Variants in SORCS1 observed in about 807,000 individuals in gnomAD.
SORCS1 encodes sortilin related VPS10 domain containing receptor 1.
SORCS1 carries 60 observed loss-of-function variants against 146.1 expected under a neutral mutation model. The observed-to-expected ratio is 0.41, with a 90% CI of 0.33 to 0.51. The LOEUF is 0.51. Among genes scored for constraint, SORCS1 ranks in the 20% least tolerant of loss-of-function variants. SORCS1 has a pLI of 0.21. For synonymous variants in SORCS1, 637 were observed against 584.0 expected, an observed-to-expected ratio of 1.09 and a Z score of -1.31; for missense variants, 1,352 against 1,487.6, an observed-to-expected ratio of 0.91 and a Z score of 1.50.
At chr10:107,032,785 C>G (rs1273395120) in intron 1 of SORCS1, among the ~76,000 whole-genome samples, 9 of 152,294 alleles carry the variant, frequency 5.9e-5, no homozygotes, top group South Asian at 2.1e-4. Flanking sequence ...TGAAACAACA[C>G]AATTAAGGCT....
chr10:106,994,114 A>G (rs1412486061), intron 1 of SORCS1, among the ~76,000 whole-genome samples: 6 of 151,902 alleles, frequency 3.9e-5, no homozygotes, highest in Admixed American at 3.9e-4. Context: ...CAAATTCATA[A>G]TTCATGGTCT....
chr10:107,118,495 T>A (rs1966187445), intron 1 of SORCS1, among the ~76,000 whole-genome samples: 1 of 152,222 alleles, frequency 6.6e-6, no homozygotes, highest in Non-Finnish European at 1.5e-5. Context: ...CCTTGGGCTT[T>A]ATTTTTTTCC....
chr10:106,893,389 T>A (rs2137928797), intron 2 of SORCS1, among the ~76,000 whole-genome samples: 1 of 152,338 alleles, frequency 6.6e-6, no homozygotes, highest in Admixed American at 6.5e-5. Flanking sequence ...TAACTATATT[T>A]ATTTTTTATT....
At chr10:107,166,609 T>G (rs1004157033), upstream of SORCS1, among the ~76,000 whole-genome samples, 1 of 152,226 alleles carries the variant, frequency 6.6e-6, no homozygotes, top group Non-Finnish European at 1.5e-5. Flanking sequence ...TCTCTCCTCC[T>G]CAAATTGCAA....
chr10:106,857,376 G>T (rs530120667), intron 2 of SORCS1, among the ~76,000 whole-genome samples: 12 of 152,336 alleles, frequency 7.9e-5, no homozygotes, highest in African/African-American at 2.9e-4. Context: ...TCAGGCTATA[G>T]AGGGAAGCTT....
At chr10:106,836,462 G>A (rs900202192) in intron 2 of SORCS1, among the ~76,000 whole-genome samples, 1 of 135,664 alleles carries the variant, frequency 7.4e-6, no homozygotes, top group Non-Finnish European at 1.6e-5. Context: ...GCGATAGAGC[G>A]AGACTCGGTC....
At chr10:106,582,724 C>G (rs1387742692) in intron 24 of SORCS1, among the ~76,000 whole-genome samples, 2 of 151,978 alleles carry the variant, frequency 1.3e-5, no homozygotes, top group African/African-American at 4.8e-5. Flanking sequence ...CAAAGTAAAA[C>G]ATGGATACCA....
At chr10:106,585,704 G>T (rs1389165913) in intron 24 of SORCS1, among the ~76,000 whole-genome samples, 5 of 152,176 alleles carry the variant, frequency 3.3e-5, no homozygotes, top group Non-Finnish European at 5.9e-5. Context: ...ATTATAATCT[G>T]CATCTGGCAA....
intron 2 of SORCS1, among the ~76,000 whole-genome samples, chr10:106,882,551 T>G (rs1432348466): frequency 6.6e-6 from 1 of 152,120 alleles, no homozygotes; most frequent in Admixed American, 6.5e-5. Flanking sequence ...TTATTTATAA[T>G]CAGGTGGTAG....
At chr10:106,650,271 T>C (rs1046211639) in intron 18 of SORCS1, among the ~76,000 whole-genome samples, 4 of 152,170 alleles carry the variant, frequency 2.6e-5, no homozygotes, top group Admixed American at 6.5e-5. Flanking sequence ...TGATTTCAGA[T>C]TGGATTTCTG....
chr10:107,083,567 A>G (rs1963511448), intron 1 of SORCS1, among the ~76,000 whole-genome samples: 1 of 152,226 alleles, frequency 6.6e-6, no homozygotes, highest in Non-Finnish European at 1.5e-5. Context: ...ACAAGGCTAA[A>G]ATGTGGCCAT....
intron 10 of SORCS1, 38 bp from the exon 11 acceptor site, chr10:106,679,772 A>C (rs1852299410): frequency 1.4e-6 from 2 of 1,480,460 alleles, no homozygotes; most frequent in Non-Finnish European, 1.9e-6. Flanking sequence ...AAATCACATA[A>C]TCAAAATGGT....
chr10:106,867,169 AT>A (rs1950249851), intron 2 of SORCS1, among the ~76,000 whole-genome samples: 1 of 152,188 alleles, frequency 6.6e-6, no homozygotes, highest in Non-Finnish European at 1.5e-5. Flanking sequence ...GAAAAAAAGA[AT>A]GTTAAAGGCA....
Position 106,599,773 on chromosome 10 carries a change from T to C in SORCS1, c.3166-2323A>G, listed in dbSNP as rs186827640. 1.3e-3 allele frequency among the ~76,000 whole-genome samples: 203 copies of C among 151,720 alleles called. No individual in the cohort carries two copies. The Middle Eastern group carries it at 0.031, about 23-fold the overall frequency. ...TATTTCTTTCTTTCTTTCTTTCTTT[T>C]TTTTTTTTTGAGACAGAGTTGGAGT... is the stretch of plus-strand genomic sequence containing the variant. On this transcript the variant is annotated intron_variant, in intron 23 of 25. Transcript: ENST00000263054.
intron 2 of SORCS1, among the ~76,000 whole-genome samples, chr10:106,921,440 A>G (rs1010085338): frequency 7.2e-5 from 11 of 152,222 alleles, no homozygotes; most frequent in Non-Finnish European, 1.0e-4. Context: ...ATCTAGATAT[A>G]TCAGACTTAC....
intron 2 of SORCS1, among the ~76,000 whole-genome samples, chr10:106,917,349 A>G (rs1952494931): frequency 6.6e-6 from 1 of 152,154 alleles, no homozygotes; most frequent in South Asian, 2.1e-4. Flanking sequence ...CCTGGTACAT[A>G]GTTGGTGCTC....
chr10:107,014,604 C>T (rs1397692048), intron 1 of SORCS1, among the ~76,000 whole-genome samples: 1 of 152,154 alleles, frequency 6.6e-6, no homozygotes, highest in Non-Finnish European at 1.5e-5. Flanking sequence ...CCTGGACCTA[C>T]AGCATCTGCA....
At chr10:106,734,706 T>G (rs1373272129) in intron 5 of SORCS1, among the ~76,000 whole-genome samples, 4 of 152,202 alleles carry the variant, frequency 2.6e-5, no homozygotes, top group Non-Finnish European at 5.9e-5. Flanking sequence ...AACATAATTT[T>G]TTCTATATTT....
chr10:106,598,677 C>T (rs543099639), intron 23 of SORCS1, among the ~76,000 whole-genome samples: 8 of 152,254 alleles, frequency 5.3e-5, no homozygotes, highest in African/African-American at 1.9e-4. Flanking sequence ...CATCATTCTG[C>T]TAATTAAATT....
Sources: allele counts gnomAD v4.1 joint callset (sites outside exome capture counted in the v4.1 genomes callset), GRCh38; gene constraint gnomAD v4.1.1; transcripts MANE v1.5; gene names NCBI Gene and HGNC (gene_info 2026-07-23, HGNC 2026-07-21).